ST3GAL2: variants seen among roughly 807,000 people sequenced by gnomAD.
ST3GAL2 encodes the protein CMP-N-acetylneuraminate-beta-galactosamide-alpha-2,3-sialyltransferase 2.
In ST3GAL2, 16 loss-of-function variants were observed where a neutral mutation model predicts 37.5. The ratio of observed to expected loss-of-function variants is 0.43; its 90% CI spans 0.29 to 0.65. The LOEUF (loss-of-function observed/expected upper bound fraction) is 0.65, where lower values mean the gene tolerates loss of function less well. ST3GAL2 is among the 30% of genes least tolerant of loss of function. The pLI is 0.17. For missense variants in ST3GAL2, 383 were observed against 487.8 expected (o/e 0.79, Z 2.02); for synonymous variants, 238 against 202.9 (o/e 1.17, Z -1.47).
At chr16:70,386,002 C>T (rs1014244675) in intron 4 of ST3GAL2, among the ~76,000 whole-genome samples, 7 of 151,854 alleles carry the variant, frequency 4.6e-5, no homozygotes, top group Non-Finnish European at 7.4e-5. Context: ...CCACTGCACC[C>T]GGCAGAACAT....
intron 1 of ST3GAL2, among the ~76,000 whole-genome samples, chr16:70,415,502 C>G (rs564333980): frequency 1.6e-4 from 25 of 151,610 alleles, no homozygotes; most frequent in African/African-American, 2.4e-4. Context: ...GTAAAGTTAA[C>G]GGACAAACAA....
intron 1 of ST3GAL2, among the ~76,000 whole-genome samples, chr16:70,402,003 A>AAAG (rs1156993539): frequency 6.7e-6 from 1 of 149,734 alleles, no homozygotes; most frequent in East Asian, 1.9e-4. Context: ...TCAAAAAAAA[A>AAAG]AAAAAAAAAA....
intron 3 of ST3GAL2, among the ~76,000 whole-genome samples, chr16:70,394,176 C>T (rs2047500233): frequency 6.6e-6 from 1 of 152,204 alleles, no homozygotes; most frequent in Admixed American, 6.5e-5. Context: ...CTCCCTTCCT[C>T]ACGGCTGGGC....
chr16:70,420,596 T>C (rs1485799049), intron 1 of ST3GAL2, among the ~76,000 whole-genome samples: 3 of 152,144 alleles, frequency 2.0e-5, no homozygotes, highest in African/African-American at 7.2e-5. Context: ...TTGGAGGTGG[T>C]TATCTCCTGG....
intron 3 of ST3GAL2, among the ~76,000 whole-genome samples, chr16:70,389,638 G>A (rs1383492628): frequency 6.6e-6 from 1 of 152,064 alleles, no homozygotes; most frequent in South Asian, 2.1e-4. Flanking sequence ...CTAATTTTTT[G>A]TATTTTCAGT....
intron 1 of ST3GAL2, among the ~76,000 whole-genome samples, chr16:70,412,915 G>A (rs1026393786): frequency 6.6e-6 from 1 of 152,074 alleles, no homozygotes; most frequent in Non-Finnish European, 1.5e-5. Flanking sequence ...GCGTGGTAGC[G>A]CATGCCTGTG....
Position 70,380,996 on chromosome 16 carries a change from G to A in ST3GAL2, c.*693C>T, listed in dbSNP as rs1014841421. 9 of 152,326 alleles carry A rather than the reference G, an allele frequency of 5.9e-5. No individual in the cohort carries two copies. The highest frequency in any genetic ancestry group is 8.8e-5 in the Non-Finnish European group (6 of 68,132). 9.4% of individuals were successfully genotyped at this position (152,326 alleles called of 1,614,324 possible). ...TGAGTGACAGCACCTTGCACTGAAGGGGACAGGGCTTCCTCGAGCTCTGCC... is the reference window on the plus strand; with the variant it reads ...TGAGTGACAGCACCTTGCACTGAAGAGGACAGGGCTTCCTCGAGCTCTGCC... On this transcript the variant is annotated 3_prime_UTR_variant, in exon 7 of 7. Transcript: ENST00000342907.
rs2047537689 is a variant in ST3GAL2 at position 70,399,067 on chromosome 16, A to G, written c.-537T>C. 2.5e-6 allele frequency: 1 copy of G among 400,634 alleles called. No homozygotes were observed. The highest frequency in any genetic ancestry group is 2.1e-5 in the African/African-American group (1 of 48,618). 24.8% of individuals were successfully genotyped at this position (400,634 alleles called of 1,614,324 possible). A position where few individuals can be genotyped will look rare whatever the true frequency, so the allele number is the denominator to read the frequency against. ...TTGGGTTCCATGCAAGTGTTGTCCC[A>G]CCTCCTGGCCCAAAACCTCTGCCAG... is the stretch of plus-strand genomic sequence containing the variant. On this transcript the variant is annotated 5_prime_UTR_variant, in exon 2 of 7. Transcript: ENST00000342907.
At chr16:70,405,855 T>C (rs1222331426) in intron 1 of ST3GAL2, among the ~76,000 whole-genome samples, 5 of 149,806 alleles carry the variant, frequency 3.3e-5, no homozygotes, top group African/African-American at 1.2e-4. Flanking sequence ...GGTCAGGAGA[T>C]CAAGACCATC....
In ST3GAL2 at chr16:70,388,372, G is replaced by T; in HGVS notation, c.708C>A (p.Ile236=). ...WIASALSTGQ[I]RFTYAPVKSF... ...CAGGCCAGCAAGAAGCTCACAATCG[G>T]ATCTGCCCCGTGGACAAGGCGCTGG... The change falls in exon 4 of 7, where the codon ATC becomes ATA. Residue 236 remains isoleucine, a synonymous_variant. Coordinates refer to ENST00000342907, the MANE Select transcript of ST3GAL2 (RefSeq NM_006927.4). The T allele has an allele frequency of 6.2e-7, 1 of 1,614,138 alleles. No homozygotes were observed. Among genetic ancestry groups the T allele is most frequent in the Middle Eastern group, 1.7e-4 (1 of 6,056 alleles).
intron 1 of ST3GAL2, among the ~76,000 whole-genome samples, chr16:70,434,672 G>A (rs1313402226): frequency 1.3e-5 from 2 of 152,206 alleles, no homozygotes; most frequent in African/African-American, 4.8e-5. Flanking sequence ...GTGCTGCTGT[G>A]AGGATTCACT....
chr16:70,421,341 T>C (rs1023381185), intron 1 of ST3GAL2, among the ~76,000 whole-genome samples: 4 of 152,182 alleles, frequency 2.6e-5, no homozygotes, highest in African/African-American at 9.6e-5. Context: ...CTCTGAGCCT[T>C]ATCCCCGGGG....
intron 4 of ST3GAL2, among the ~76,000 whole-genome samples, chr16:70,384,161 C>T (rs563906233): frequency 2.0e-5 from 3 of 152,144 alleles, no homozygotes; most frequent in African/African-American, 7.2e-5. Flanking sequence ...TAACTCATTA[C>T]TTTTGTGTTT....
chr16:70,436,494 A>G (rs1011427659), intron 1 of ST3GAL2, among the ~76,000 whole-genome samples: 6 of 150,826 alleles, frequency 4.0e-5, no homozygotes, highest in Non-Finnish European at 8.8e-5. Flanking sequence ...ATCTGCTTGG[A>G]TTAATCTCTC....
intron 3 of ST3GAL2, 59 bp from the exon 4 acceptor site, chr16:70,388,605 T>C: frequency 6.6e-7 from 1 of 1,517,978 alleles, no homozygotes. Flanking sequence ...TACAAGATTC[T>C]TAGAGGACAG....
rs148094101 is a variant in ST3GAL2 at position 70,395,151 on chromosome 16, G to A, written c.364C>T (p.His122Tyr). 8 of 1,608,910 alleles carry A rather than the reference G, an allele frequency of 5.0e-6. No individual in the cohort carries two copies. The highest frequency in any genetic ancestry group is 2.2e-5 in the East Asian group (1 of 44,494). The change falls in exon 3 of 7, where the codon CAC becomes TAC. Residue 122 changes from histidine to tyrosine, a missense_variant. By Grantham distance (83) the His-to-Tyr change is moderately conservative. Coordinates refer to ENST00000342907, the MANE Select transcript of ST3GAL2 (RefSeq NM_006927.4). Reference protein sequence around the residue: ...WMMLQPQFKSHNTNEVLEKLF... With the variant: ...WMMLQPQFKSYNTNEVLEKLF... ...TTCTCCAGCACCTCATTGGTGTTGTGTGACTTGAACTGGGGCTGCAGCATC... is the reference window on the plus strand; with the variant it reads ...TTCTCCAGCACCTCATTGGTGTTGTATGACTTGAACTGGGGCTGCAGCATC...
intron 1 of ST3GAL2, among the ~76,000 whole-genome samples, chr16:70,415,762 C>CTTTTTTT (rs1203693372): frequency 4.3e-5 from 5 of 115,922 alleles, no homozygotes; most frequent in African/African-American, 1.3e-4. Flanking sequence ...TTCCAAGATT[C>CTTTTTTT]TTTTTTTTTT....
intron 4 of ST3GAL2, among the ~76,000 whole-genome samples, chr16:70,388,022 G>T (rs1315138754): frequency 6.6e-6 from 1 of 151,308 alleles, no homozygotes; most frequent in African/African-American, 2.4e-5. Flanking sequence ...TGAGGCAAGA[G>T]AATCGCTTGA....
intron 6 of ST3GAL2, 29 bp from the exon 7 acceptor site, chr16:70,381,891 C>A: frequency 6.2e-7 from 1 of 1,610,354 alleles, no homozygotes; most frequent in Non-Finnish European, 8.5e-7. Flanking sequence ...GAGCGTCACC[C>A]CAGGCGGGGA....
Sources: gnomAD v4.1 joint callset for allele counts (sites outside exome capture counted in the v4.1 genomes callset) on GRCh38, gnomAD v4.1.1 for gene constraint, MANE v1.5 for transcripts, NCBI Gene and HGNC (gene_info 2026-07-23, HGNC 2026-07-21) for gene names.